The following CWC22 variants were observed in gnomAD, a reference collection of about 807,000 sequenced individuals.
The protein encoded by CWC22 is CWC22 spliceosome associated protein.
In CWC22, 53 loss-of-function variants were observed where a neutral mutation model predicts 117.2. That is an observed-to-expected ratio of 0.45 (90% CI 0.36 to 0.57). The LOEUF (loss-of-function observed/expected upper bound fraction) is 0.57. Ranked by LOEUF, CWC22 falls within the 20% of genes least tolerant of loss-of-function variation. The pLI is 0.00. For synonymous variants in CWC22, 360 were observed against 355.6 expected (o/e 1.01, Z -0.14); for missense variants, 980 against 1,068.8 (o/e 0.92, Z 1.16).
chr2:179,972,952 T>C (rs938975156), intron 8 of CWC22, among the ~76,000 whole-genome samples: 10 of 151,470 alleles, frequency 6.6e-5, no homozygotes, highest in South Asian at 4.2e-4. Context: ...GAGCTTGCAG[T>C]GAGCCAAGAT....
At chr2:179,996,534 C>T (rs967492851) in intron 1 of CWC22, among the ~76,000 whole-genome samples, 1 of 152,018 alleles carries the variant, frequency 6.6e-6, no homozygotes, top group Non-Finnish European at 1.5e-5. Flanking sequence ...ATTCAAATTA[C>T]TGTTGACTTC....
chr2:179,969,851 A>G lies in CWC22; in HGVS notation c.1210+650T>C, dbSNP rs550350587. Among the ~76,000 whole-genome samples the G allele has an allele frequency of 4.6e-5, 7 of 152,276 alleles. No homozygotes were observed. The South Asian group carries it at 8.3e-4, about 18-fold the overall frequency. On this transcript the variant is annotated intron_variant, in intron 11 of 19. Coordinates refer to ENST00000410053, the MANE Select transcript of CWC22 (RefSeq NM_020943.3). Reference sequence around the variant, plus strand: ...ACAAATGTGAAAATAGTAACTAATAATAGCTATCATTGTAGGTGATAATAC... The same window carrying G: ...ACAAATGTGAAAATAGTAACTAATAGTAGCTATCATTGTAGGTGATAATAC...
At chr2:179,981,454 T>C (rs1433478622) in intron 5 of CWC22, among the ~76,000 whole-genome samples, 2 of 152,122 alleles carry the variant, frequency 1.3e-5, no homozygotes, top group Non-Finnish European at 2.9e-5. Context: ...TAGGAATGCA[T>C]CCATGAAACT....
chr2:179,980,284 C>A (rs545216154), intron 5 of CWC22, among the ~76,000 whole-genome samples: 2 of 152,124 alleles, frequency 1.3e-5, no homozygotes, highest in Admixed American at 6.5e-5. Flanking sequence ...CACTGCCAAG[C>A]GCTAAAATAT....
intron 2 of CWC22, among the ~76,000 whole-genome samples, chr2:179,991,730 T>G (rs1308679525): frequency 6.6e-6 from 1 of 152,186 alleles, no homozygotes; most frequent in African/African-American, 2.4e-5. Flanking sequence ...TTCCTTTACG[T>G]CTCCAGCTCC....
In CWC22 at chr2:179,950,597, A is replaced by G; in HGVS notation, c.2055T>C (p.Ser685=). The G allele has an allele frequency of 6.2e-7, 1 of 1,613,510 alleles. No homozygotes were observed. Among genetic ancestry groups the G allele is most frequent in the Non-Finnish European group, 8.5e-7 (1 of 1,179,570 alleles). ...SSSSESDSSD[S]DSDSSDSSSE... ...AACTGCTATCACTGCTGTCAGAATC[A>G]GAGTCGGATGAGTCAGACTCTGAAG... Residue 685 remains serine, a synonymous_variant, in exon 19 of 20, where the codon TCT becomes TCC. Transcript: ENST00000410053.
Position 179,945,604 on chromosome 2 carries a change from T to C in CWC22, c.2252A>G (p.His751Arg). ...CTCAGTCCTTGTTTCCTGGTGCCCGTGTTCTTGTCTTCTTTCTTTTTGTTT... is the reference window on the plus strand; with the variant it reads ...CTCAGTCCTTGTTTCCTGGTGCCCGCGTTCTTGTCTTCTTTCTTTTTGTTT... ...DRKQKERRQEHGHQETRTERE... is the reference protein window; with the variant it reads ...DRKQKERRQERGHQETRTERE... Residue 751 changes from histidine (H) to arginine (R), a missense_variant, in exon 20 of 20, where the codon CAC becomes CGC. Coordinates refer to ENST00000410053, the MANE Select transcript of CWC22 (RefSeq NM_020943.3). 6.2e-7 allele frequency: 1 copy of C among 1,613,376 alleles called. No individual in the cohort carries two copies. The highest frequency in any genetic ancestry group is 8.5e-7 in the Non-Finnish European group (1 of 1,179,576).
rs78319213 is a variant in CWC22, at chr2:179,993,017, A to G, written c.27+298T>C. Among the ~76,000 whole-genome samples the G allele has an allele frequency of 1.2e-4, 17 of 142,346 alleles. 1 individual carries two copies. Among genetic ancestry groups the G allele is most frequent in the South Asian group, 6.8e-4 (3 of 4,406 alleles). The allele number at this position is 142,346 out of a possible 152,430, so 93.4% of individuals were successfully genotyped here. A position where few individuals can be genotyped will look rare whatever the true frequency, so the allele number is the denominator to read the frequency against. On this transcript the variant is annotated intron_variant, in intron 2 of 19. Transcript: ENST00000410053. ...CATCCATGTGTATACACACACACACACGCGCACACACACGTACACACACTT... is the reference window on the plus strand; with the variant it reads ...CATCCATGTGTATACACACACACACGCGCGCACACACACGTACACACACTT...
At chr2:180,002,153 A>G (rs1334474953) in intron 1 of CWC22, among the ~76,000 whole-genome samples, 1 of 152,242 alleles carries the variant, frequency 6.6e-6, no homozygotes, top group Non-Finnish European at 1.5e-5. Flanking sequence ...TGAACTAAAG[A>G]AATCCACAGT....
At chr2:179,993,031 G>T (rs529732869) in intron 2 of CWC22, among the ~76,000 whole-genome samples, 1 of 151,882 alleles carries the variant, frequency 6.6e-6, no homozygotes, top group Non-Finnish European at 1.5e-5. Flanking sequence ...GCACACACAC[G>T]TACACACACT....
chr2:179,988,674 C>A, intron 2 of CWC22, 30 bp from the exon 3 acceptor site: 2 of 1,241,846 alleles, frequency 1.6e-6, no homozygotes, highest in Non-Finnish European at 2.2e-6. Flanking sequence ...GAAAACATTT[C>A]AAAAATTATT....
chr2:179,945,491 C>CTT lies in CWC22; in HGVS notation c.2363_2364dup (p.Asp789LysfsTer23). 6.2e-7 allele frequency: 1 copy of CTT among 1,613,012 alleles called. No individual in the cohort carries two copies. The highest frequency in any genetic ancestry group is 1.1e-5 in the South Asian group (1 of 91,066). ...TAGTTATTTCGTTCAGAAGGAACAT[C>CTT]TTTGTCTGATGTGTACTTTGTTATA... On this transcript the variant is annotated frameshift_variant, in exon 20 of 20. Transcript: ENST00000410053. LOFTEE classifies it high-confidence loss of function.
intron 19 of CWC22, among the ~76,000 whole-genome samples, chr2:179,946,486 G>A (rs1686306433): frequency 7.4e-6 from 1 of 134,418 alleles, no homozygotes. Context: ...AAGGGGAGGG[G>A]AGGGAGGAAG....
rs931170379 is a variant in CWC22, at chr2:179,945,119, T to C, written c.*10A>G. On this transcript the variant is annotated 3_prime_UTR_variant, in exon 20 of 20. Coordinates refer to ENST00000410053, the MANE Select transcript of CWC22 (RefSeq NM_020943.3). ...TATAAGGCATGTCCAGTTTATGTCA[T>C]TTTGTAGAATTATTTTTGTTTTGCT... 1 of 1,572,492 alleles carries C rather than the reference T, an allele frequency of 6.4e-7. No individual in the cohort carries two copies. The highest frequency in any genetic ancestry group is 1.2e-5 in the South Asian group (1 of 84,384).
At chr2:179,962,854 G>C (rs1026362257) in intron 13 of CWC22, among the ~76,000 whole-genome samples, 1 of 151,926 alleles carries the variant, frequency 6.6e-6, no homozygotes, top group Non-Finnish European at 1.5e-5. Flanking sequence ...GATAGATATG[G>C]TAATTACCCT....
At chr2:180,004,994 T>C (rs1032496240) in intron 1 of CWC22, among the ~76,000 whole-genome samples, 6 of 151,336 alleles carry the variant, frequency 4.0e-5, no homozygotes, top group African/African-American at 4.9e-5. Flanking sequence ...CTCAAACTAA[T>C]TGGCATGAGA....
chr2:179,955,253 C>T lies in CWC22; in HGVS notation c.1459-219G>A, dbSNP rs115589876. On this transcript the variant is annotated intron_variant, in intron 14 of 19. Transcript: ENST00000410053. ...CTTCCACAGTCATTTATGCTAATTA[C>T]ATTAATTATAAAATTCTAAATTCAT... 5.1e-4 allele frequency among the ~76,000 whole-genome samples: 77 copies of T among 151,980 alleles called. 1 individual carries two copies. The highest frequency in any genetic ancestry group is 1.5e-3 in the African/African-American group (63 of 41,494).
intron 3 of CWC22, among the ~76,000 whole-genome samples, chr2:179,987,371 A>C (rs1473843173): frequency 6.6e-6 from 1 of 152,220 alleles, no homozygotes; most frequent in African/African-American, 2.4e-5. Context: ...GAGAACCTTA[A>C]GAGAAGTTAA....
In CWC22 at chr2:180,006,934, C is replaced by G. The variant is rs1203544622; in HGVS notation, c.-181G>C. Reference sequence around the variant, plus strand: ...AGCGTAGCGAGAAGACCCACGCACACTCCAATGCCGCTCACAGCCGTATCA... The same window carrying G: ...AGCGTAGCGAGAAGACCCACGCACAGTCCAATGCCGCTCACAGCCGTATCA... On this transcript the variant is annotated 5_prime_UTR_variant, in exon 1 of 20. Coordinates refer to ENST00000410053, the MANE Select transcript of CWC22 (RefSeq NM_020943.3). The G allele has an allele frequency of 6.6e-6, 1 of 152,334 alleles. No homozygotes were observed. Among genetic ancestry groups the G allele is most frequent in the Non-Finnish European group, 1.5e-5 (1 of 68,138 alleles). 9.4% of individuals were successfully genotyped at this position (152,334 alleles called of 1,614,324 possible). A position where few individuals can be genotyped will look rare whatever the true frequency, so the allele number is the denominator to read the frequency against.
Sources: gnomAD v4.1 joint callset for allele counts (sites outside exome capture counted in the v4.1 genomes callset) on GRCh38, gnomAD v4.1.1 for gene constraint, MANE v1.5 for transcripts, NCBI Gene and HGNC (gene_info 2026-07-23, HGNC 2026-07-21) for gene names.